Variants in PASD1 observed in about 807,000 individuals in gnomAD.
The protein encoded by PASD1 is circadian clock protein PASD1.
In PASD1, 13 loss-of-function variants were observed where a neutral mutation model predicts 58.8. That is an observed-to-expected ratio of 0.22 (90% CI 0.14 to 0.35). The LOEUF is 0.35. Ranked by LOEUF, PASD1 falls within the 10% of genes least tolerant of loss-of-function variation. The pLI, the probability that PASD1 is intolerant of heterozygous loss-of-function variation, is 1.00. For synonymous variants in PASD1, 236 were observed against 216.7 expected, an observed-to-expected ratio of 1.09 and a Z score of -0.78; for missense variants, 734 against 568.3, an observed-to-expected ratio of 1.29 and a Z score of -2.96.
chrX:151,644,327 G>A (rs983824748), intron 8 of PASD1, among the ~76,000 whole-genome samples: 1 of 111,590 alleles, frequency 9.0e-6, no homozygotes, highest in African/African-American at 3.3e-5. Context: ...CACAGAACAC[G>A]CTTCTCTTCT....
intron 1 of PASD1, among the ~76,000 whole-genome samples, chrX:151,594,471 A>G (rs912472572): frequency 9.0e-6 from 1 of 111,059 alleles, no homozygotes; most frequent in Non-Finnish European, 1.9e-5. Flanking sequence ...TTTGTTGTCT[A>G]GGCAGTTTGT....
intron 8 of PASD1, among the ~76,000 whole-genome samples, chrX:151,636,361 T>TA (rs904039218): frequency 3.6e-5 from 4 of 112,273 alleles, no homozygotes; most frequent in African/African-American, 1.3e-4. Context: ...GAACGTTCTT[T>TA]AAAAAAAGTC....
rs902230391 is a variant in PASD1 at position 151,611,032 on chromosome X, A to G, written c.118-632A>G. On this transcript the variant is annotated intron_variant, in intron 3 of 15. Transcript: ENST00000370357. ...GCTTTTGTCCCCCAAGCTCTAGGCT[A>G]TCAGTGTTGGAAGATAGTCTCAAGG... Among the ~76,000 whole-genome samples the G allele has an allele frequency of 4.5e-5, 5 of 111,515 alleles. No individual in the cohort carries two copies. In the Admixed American group the frequency reaches 4.8e-4, roughly 11 times the overall value.
intron 1 of PASD1, among the ~76,000 whole-genome samples, chrX:151,598,721 T>A (rs1381665351): frequency 1.8e-5 from 2 of 112,498 alleles, no homozygotes; most frequent in African/African-American, 6.5e-5. Flanking sequence ...TCTATTTATA[T>A]AATTTCTAAT....
intron 8 of PASD1, among the ~76,000 whole-genome samples, chrX:151,632,214 A>C (rs1266917086): frequency 9.0e-6 from 1 of 110,889 alleles, no homozygotes; most frequent in Non-Finnish European, 1.9e-5. Context: ...TAGGTTAAAA[A>C]TGGAGTAATA....
chrX:151,664,449 A>G, intron 11 of PASD1, 101 bp downstream of exon 11: 3 of 1,118,176 alleles, frequency 2.7e-6, no homozygotes, highest in South Asian at 4.3e-5. Context: ...CTTCACAGAA[A>G]GTATGTTTGT....
intron 5 of PASD1, 31 bp from the exon 6 acceptor site, chrX:151,621,451 A>G: frequency 9.5e-7 from 1 of 1,047,513 alleles, no homozygotes; most frequent in Non-Finnish European, 1.3e-6. Flanking sequence ...ACAAATGTAG[A>G]CTTGTTTTGT....
At chrX:151,670,976 A>T (rs2014459227) in intron 11 of PASD1, 62 bp from the exon 12 acceptor site, 2 of 1,106,505 alleles carry the variant, frequency 1.8e-6, no homozygotes, top group Admixed American at 5.2e-5. Context: ...GTGAAACAGG[A>T]TGGTAAGACT....
At chrX:151,598,144 A>G (rs2013345624) in intron 1 of PASD1, among the ~76,000 whole-genome samples, 2 of 112,342 alleles carry the variant, frequency 1.8e-5, no homozygotes, top group Admixed American at 1.9e-4. Context: ...ACTTTAATAT[A>G]TTTGTAATAT....
Position 151,659,810 on chromosome X carries a change from T to C in PASD1, c.815T>C (p.Phe272Ser). ...SDSTYCSSTV[F>S]LDTMPESPAL... ...TCAACTTATTGCTCCAGTACAGTTT[T>C]CCTGGATACTATGCCTGAATCTCCA... The change falls in exon 10 of 16, where the codon TTC becomes TCC. Residue 272 changes from phenylalanine to serine, a missense_variant. Physicochemically the swap from Phe to Ser is radical, Grantham distance 155. Coordinates refer to ENST00000370357, the MANE Select transcript of PASD1 (RefSeq NM_173493.3). 1 of 1,206,745 alleles carries C rather than the reference T, an allele frequency of 8.3e-7. No homozygotes were observed. The highest frequency in any genetic ancestry group is 1.1e-6 in the Non-Finnish European group (1 of 891,756).
chrX:151,670,981 A>G, intron 11 of PASD1, 57 bp from the exon 12 acceptor site: 3 of 1,122,073 alleles, frequency 2.7e-6, no homozygotes, highest in Non-Finnish European at 3.6e-6. Flanking sequence ...ACAGGATGGT[A>G]AGACTTGGAG....
chrX:151,572,602 A>G, intron 1 of PASD1, among the ~76,000 whole-genome samples: 1 of 111,705 alleles, frequency 9.0e-6, no homozygotes, highest in African/African-American at 3.3e-5. Context: ...CTGTTTAAAA[A>G]GTTCTTTAAT....
intron 1 of PASD1, among the ~76,000 whole-genome samples, chrX:151,580,508 CTTTT>C (rs200293926): frequency 1.5e-5 from 1 of 67,154 alleles, no homozygotes; most frequent in Non-Finnish European, 3.0e-5. Context: ...TTCTTTTTTT[CTTTT>C]TTTTTTTTTT....
intron 1 of PASD1, among the ~76,000 whole-genome samples, chrX:151,564,645 C>T (rs1219842629): frequency 9.2e-6 from 1 of 109,073 alleles, no homozygotes; most frequent in African/African-American, 3.4e-5. Context: ...GCATCTTAGT[C>T]TCAGCTACTG....
intron 3 of PASD1, among the ~76,000 whole-genome samples, chrX:151,605,046 A>G (rs769944440): frequency 1.8e-5 from 2 of 112,114 alleles, no homozygotes; most frequent in Admixed American, 9.4e-5. Flanking sequence ...GACTAGTTCA[A>G]CATAGATGGT....
At chrX:151,587,225 C>CTTTT (rs33922090) in intron 1 of PASD1, among the ~76,000 whole-genome samples, 2 of 82,471 alleles carry the variant, frequency 2.4e-5, no homozygotes, top group East Asian at 4.2e-4. Context: ...CTGGGTTTGC[C>CTTTT]TTTTTTTTTT....
intron 10 of PASD1, 76 bp from the exon 11 acceptor site, chrX:151,664,043 C>T: frequency 1.7e-6 from 2 of 1,177,154 alleles, no homozygotes; most frequent in East Asian, 3.0e-5. Flanking sequence ...GCTAAAATGA[C>T]CCTCGTACAG....
intron 4 of PASD1, among the ~76,000 whole-genome samples, chrX:151,616,333 T>C (rs920849935): frequency 5.4e-5 from 6 of 110,844 alleles, no homozygotes; most frequent in African/African-American, 2.0e-4. Context: ...AAATAAGTTG[T>C]TTTGCTGATG....
chrX:151,588,225 C>T (rs1211575580), intron 1 of PASD1, among the ~76,000 whole-genome samples: 3 of 112,097 alleles, frequency 2.7e-5, no homozygotes, highest in African/African-American at 6.5e-5. Flanking sequence ...GTGTCTCTCT[C>T]TATAGAAAGA....
Sources: gnomAD v4.1 joint callset for allele counts (sites outside exome capture counted in the v4.1 genomes callset) on GRCh38, gnomAD v4.1.1 for gene constraint, MANE v1.5 for transcripts, NCBI Gene and HGNC (gene_info 2026-07-23, HGNC 2026-07-21) for gene names.